The following PRDM11 variants were observed in gnomAD, a reference collection of about 807,000 sequenced individuals.
PRDM11 encodes the protein PR/SET domain 11.
PRDM11 carries 20 observed loss-of-function variants against 97.8 expected under a neutral mutation model. The observed-to-expected ratio is 0.20, with a 90% CI of 0.14 to 0.30. The LOEUF (loss-of-function observed/expected upper bound fraction) is 0.30. PRDM11 is among the 10% of genes least tolerant of loss of function. PRDM11 has a pLI of 1.00. For missense variants in PRDM11, 1,139 were observed against 1,555.2 expected (o/e 0.73, Z 4.50); for synonymous variants, 599 against 637.7 (o/e 0.94, Z 0.91).
intron 5 of PRDM11, among the ~76,000 whole-genome samples, chr11:45,206,677 C>T (rs957460710): frequency 1.3e-5 from 2 of 152,226 alleles, no homozygotes; most frequent in East Asian, 1.9e-4. Flanking sequence ...TCTGGCACCC[C>T]GCAGATTGTG....
chr11:45,161,278 T>TC (rs933602499), intron 1 of PRDM11, among the ~76,000 whole-genome samples: 1 of 152,162 alleles, frequency 6.6e-6, no homozygotes, highest in Admixed American at 6.5e-5. Flanking sequence ...GGATCCCACC[T>TC]CCATGGGCTG....
intron 1 of PRDM11, among the ~76,000 whole-genome samples, chr11:45,123,235 G>A (rs1425032995): frequency 6.6e-6 from 1 of 152,138 alleles, no homozygotes; most frequent in Non-Finnish European, 1.5e-5. Flanking sequence ...TGTAGATTCT[G>A]GATATTAGCC....
At chr11:45,143,765 G>T (rs1851452093), upstream of PRDM11, among the ~76,000 whole-genome samples, 1 of 152,154 alleles carries the variant, frequency 6.6e-6, no homozygotes, top group African/African-American at 2.4e-5. Flanking sequence ...ATCCTTCTTG[G>T]ATTATTGAGA....
chr11:45,127,306 T>C (rs1852596669), intron 1 of PRDM11, among the ~76,000 whole-genome samples: 1 of 152,212 alleles, frequency 6.6e-6, no homozygotes, highest in Admixed American at 6.5e-5. Context: ...TCGGAGTAGT[T>C]TGATCATCTG....
intron 7 of PRDM11, among the ~76,000 whole-genome samples, chr11:45,225,612 C>T (rs1362815410): frequency 6.6e-6 from 1 of 152,172 alleles, no homozygotes; most frequent in Non-Finnish European, 1.5e-5. Flanking sequence ...GCAAATGAAT[C>T]CCAAGTCCTT....
At chr11:45,224,060 T>C (rs1398201480) in intron 6 of PRDM11, among the ~76,000 whole-genome samples, 157 bp from the exon 7 acceptor site, 2 of 152,226 alleles carry the variant, frequency 1.3e-5, no homozygotes, top group African/African-American at 4.8e-5. Context: ...GATGGACCAC[T>C]GAGTGATTCG....
chr11:45,102,501 G>T (rs915789699), intron 1 of PRDM11, among the ~76,000 whole-genome samples: 13 of 152,170 alleles, frequency 8.5e-5, no homozygotes, highest in Non-Finnish European at 1.3e-4. Context: ...CCCCAACACT[G>T]CCCTCTGCAA....
rs532403075 is a variant in PRDM11, at chr11:45,099,450, TAAAAAAAAA to T, written c.96+3566_96+3574del. 9.1e-3 allele frequency among the ~76,000 whole-genome samples: 869 copies of T among 95,218 alleles called. 2 individuals are homozygous for T. Among genetic ancestry groups the T allele is most frequent in the Middle Eastern group, 0.014 (2 of 138 alleles). 62.5% of individuals were successfully genotyped at this position (95,218 alleles called of 152,430 possible). ...TGGGTAACAGAGTGAGACTCCATCT[TAAAAAAAAA>T]AAAAAAAAAAAAAAAATCACAGGCT... On this transcript the variant is annotated intron_variant, in intron 1 of 6. Coordinates refer to the PRDM11 transcript ENST00000530656.
At chr11:45,141,672 T>C (rs1444217426), upstream of PRDM11, among the ~76,000 whole-genome samples, 3 of 152,158 alleles carry the variant, frequency 2.0e-5, no homozygotes, top group African/African-American at 7.2e-5. Flanking sequence ...TGCCAAAGCC[T>C]GCACCACCAG....
intron 6 of PRDM11, among the ~76,000 whole-genome samples, chr11:45,223,103 C>T (rs553541354): frequency 1.6e-4 from 25 of 152,188 alleles, no homozygotes; most frequent in African/African-American, 6.0e-4. Flanking sequence ...ATGGCTTGAG[C>T]CTAGGAGTTT....
At position 45,230,714 on chromosome 11, in the gene PRDM11, C is replaced by T. The variant is rs1399272858; in HGVS notation, c.*2555C>T. On this transcript the variant is annotated 3_prime_UTR_variant, in exon 8 of 8. Coordinates refer to ENST00000683152, the MANE Select transcript of PRDM11 (RefSeq NM_001384648.1). ...TTTCTTCTAGCCAACAGTTGCCTTA[C>T]ACCTTACATTGGGTAATGGGTAGGG... 1 of 152,270 alleles carries T rather than the reference C, an allele frequency of 6.6e-6. No homozygotes were observed. The highest frequency in any genetic ancestry group is 1.5e-5 in the Non-Finnish European group (1 of 68,062). 9.4% of individuals were successfully genotyped at this position (152,270 alleles called of 1,614,324 possible). A position where few individuals can be genotyped will look rare whatever the true frequency, so the allele number is the denominator to read the frequency against.
chr11:45,105,350 C>A (rs371816981), intron 1 of PRDM11, among the ~76,000 whole-genome samples: 1 of 152,230 alleles, frequency 6.6e-6, no homozygotes, highest in African/African-American at 2.4e-5. Flanking sequence ...GGCCACCCAA[C>A]TGGTCATAGC....
chr11:45,191,970 G>T (rs974618054), intron 4 of PRDM11, among the ~76,000 whole-genome samples: 105 of 152,012 alleles, frequency 6.9e-4, no homozygotes, highest in Admixed American at 2.0e-3. Flanking sequence ...CATGCATTAG[G>T]TATTTGTCTT....
At chr11:45,166,051 C>T (rs1852056224) in intron 1 of PRDM11, among the ~76,000 whole-genome samples, 1 of 152,224 alleles carries the variant, frequency 6.6e-6, no homozygotes, top group Non-Finnish European at 1.5e-5. Context: ...AAACTGCTTA[C>T]TAGGTTGTGG....
At chr11:45,204,652 C>A in intron 4 of PRDM11, 59 bp from the exon 5 acceptor site, 1 of 1,507,856 alleles carries the variant, frequency 6.6e-7, no homozygotes, top group Non-Finnish European at 9.2e-7. Context: ...GGGAAGGAGC[C>A]CAGGGACATG....
intron 1 of PRDM11, among the ~76,000 whole-genome samples, chr11:45,132,650 C>T (rs1394957613): frequency 6.6e-6 from 1 of 152,158 alleles, no homozygotes; most frequent in African/African-American, 2.4e-5. Flanking sequence ...TCTGTTCCTC[C>T]ATCCTTTCAC....
At chr11:45,190,766 A>G (rs1852885123) in intron 4 of PRDM11, among the ~76,000 whole-genome samples, 1 of 152,218 alleles carries the variant, frequency 6.6e-6, no homozygotes, top group Admixed American at 6.5e-5. Context: ...ATTATTTCAA[A>G]TGAAATTTGA....
intron 4 of PRDM11, among the ~76,000 whole-genome samples, chr11:45,192,391 A>G (rs1402310293): frequency 6.6e-6 from 1 of 152,228 alleles, no homozygotes; most frequent in Admixed American, 6.5e-5. Context: ...TGAATATCAG[A>G]AGCATTAAAT....
intron 4 of PRDM11, among the ~76,000 whole-genome samples, chr11:45,191,269 T>G (rs116269069): frequency 0.012 from 1,903 of 152,360 alleles, 36 homozygotes; most frequent in African/African-American, 0.044. Flanking sequence ...GTTAGGTCTT[T>G]CTCACGGTGT....
Sources: allele counts gnomAD v4.1 joint callset (sites outside exome capture counted in the v4.1 genomes callset), GRCh38; gene constraint gnomAD v4.1.1; transcripts MANE v1.5; gene names NCBI Gene and HGNC (gene_info 2026-07-23, HGNC 2026-07-21).